Variants in POT1 observed in about 807,000 individuals in gnomAD.
POT1 encodes protection of telomeres 1.
Under a neutral mutation model 78.5 loss-of-function variants are expected in POT1, and 47 were observed. That is an observed-to-expected ratio of 0.60 (90% CI 0.47 to 0.76). The LOEUF is 0.76. Among genes scored for constraint, POT1 ranks in the 30% least tolerant of loss-of-function variants. The probability of loss-of-function intolerance (pLI) is 0.00; values close to 1 mark genes in which losing one functional copy is unlikely to be tolerated. For synonymous variants in POT1, 259 were observed against 260.7 expected (o/e 0.99, Z 0.06); for missense variants, 646 against 749.9 (o/e 0.86, Z 1.62).
chr7:124,841,928 T>C (rs555899341), intron 13 of POT1, among the ~76,000 whole-genome samples: 1 of 151,978 alleles, frequency 6.6e-6, no homozygotes, highest in Non-Finnish European at 1.5e-5. Context: ...CAAGCTCAAA[T>C]GGGTAAAAAC....
chr7:124,860,783 T>C (rs187197195), intron 8 of POT1, among the ~76,000 whole-genome samples: 5 of 151,656 alleles, frequency 3.3e-5, no homozygotes, highest in African/African-American at 4.8e-5. Context: ...ACAGGCCCCA[T>C]TGTGTGATGT....
At chr7:124,901,951 T>C (rs1796631420) in intron 3 of POT1, among the ~76,000 whole-genome samples, 1 of 151,932 alleles carries the variant, frequency 6.6e-6, no homozygotes, top group Non-Finnish European at 1.5e-5. Flanking sequence ...ATGAATGAAA[T>C]AAACTGAGAA....
At chr7:124,882,847 G>A (rs1253430118) in intron 6 of POT1, among the ~76,000 whole-genome samples, 3 of 151,972 alleles carry the variant, frequency 2.0e-5, no homozygotes, top group Admixed American at 6.6e-5. Context: ...GAAGTCAGAT[G>A]GAAGCCTGAA....
In POT1 at chr7:124,867,250, A is replaced by T. The variant is rs191206528; in HGVS notation, c.256-3610T>A. On this transcript the variant is annotated intron_variant, in intron 7 of 18. Transcript: ENST00000357628. Reference sequence around the variant, plus strand: ...TAAAACTGAAATAGCCTTCTAAAGAATATCTTTGCCTTCATGCTTGTTCTT... The same window carrying T: ...TAAAACTGAAATAGCCTTCTAAAGATTATCTTTGCCTTCATGCTTGTTCTT... Among the ~76,000 whole-genome samples, 1,048 of 152,070 alleles carry T rather than the reference A, an allele frequency of 6.9e-3. 11 individuals are homozygous for T. The highest frequency in any genetic ancestry group is 0.024 in the African/African-American group (1,014 of 41,468).
intron 9 of POT1, among the ~76,000 whole-genome samples, chr7:124,854,821 CTTTT>C (rs1272537266): frequency 6.6e-6 from 1 of 151,622 alleles, no homozygotes; most frequent in Non-Finnish European, 1.5e-5. Flanking sequence ...TTATCTCATT[CTTTT>C]TGACTGGATT....
At chr7:124,868,982 T>C (rs1795799759) in intron 7 of POT1, among the ~76,000 whole-genome samples, 1 of 151,998 alleles carries the variant, frequency 6.6e-6, no homozygotes, top group Non-Finnish European at 1.5e-5. Flanking sequence ...TAAAAACTGC[T>C]GGATACAACT....
intron 6 of POT1, among the ~76,000 whole-genome samples, chr7:124,887,194 T>TAG: frequency 6.6e-6 from 1 of 152,182 alleles, no homozygotes; most frequent in Admixed American, 6.6e-5. Context: ...GGTGGGGAAA[T>TAG]GAAGACTCTG....
chr7:124,894,691 C>T (rs77464597), intron 5 of POT1, among the ~76,000 whole-genome samples: 53 of 151,512 alleles, frequency 3.5e-4, no homozygotes, highest in South Asian at 6.2e-4. Context: ...CCCAATAAGC[C>T]CTATCTTAGT....
rs529634284 is a variant in POT1 at position 124,852,089 on chromosome 7, C to A, written c.870-138G>T. On this transcript the variant is annotated intron_variant, in intron 10 of 18. Transcript: ENST00000357628. ...GTATATGCATTCTTCAGTAAAGGAT[C>A]TATTGCTTTCATCAGATTTTCCGGG... is the stretch of plus-strand genomic sequence containing the variant. The A allele has an allele frequency of 8.5e-5, 49 of 579,572 alleles. No homozygotes were observed. The East Asian group carries it at 1.5e-3, about 17-fold the overall frequency. The allele number at this position is 579,572 out of a possible 1,614,324, so 35.9% of individuals were successfully genotyped here. A position where few individuals can be genotyped will look rare whatever the true frequency, so the allele number is the denominator to read the frequency against.
At chr7:124,833,906 C>T (rs1034108597) in intron 15 of POT1, among the ~76,000 whole-genome samples, 2 of 152,126 alleles carry the variant, frequency 1.3e-5, no homozygotes, top group East Asian at 3.8e-4. Context: ...ATAAAAATTA[C>T]TCTTCAACAG....
chr7:124,880,830 G>A (rs975743562), intron 6 of POT1, among the ~76,000 whole-genome samples: 2 of 151,938 alleles, frequency 1.3e-5, no homozygotes. Flanking sequence ...AGAGGAACGT[G>A]ACTGAGTCCA....
At chr7:124,881,670 C>T (rs893450889) in intron 6 of POT1, among the ~76,000 whole-genome samples, 2 of 151,884 alleles carry the variant, frequency 1.3e-5, no homozygotes, top group African/African-American at 2.4e-5. Flanking sequence ...AATACACACG[C>T]AAAAATATCC....
chr7:124,878,582 C>T (rs1796045269), intron 6 of POT1, among the ~76,000 whole-genome samples: 1 of 151,944 alleles, frequency 6.6e-6, no homozygotes, highest in African/African-American at 2.4e-5. Context: ...ATCACATTGT[C>T]CCCCACAATA....
intron 14 of POT1, among the ~76,000 whole-genome samples, chr7:124,835,894 G>C (rs1794890278): frequency 6.6e-6 from 1 of 151,880 alleles, no homozygotes; most frequent in African/African-American, 2.4e-5. Flanking sequence ...ATTTTTCCTG[G>C]GAAAATTATC....
At chr7:124,921,783 G>A (rs547182271) in intron 2 of POT1, among the ~76,000 whole-genome samples, 12 of 152,042 alleles carry the variant, frequency 7.9e-5, no homozygotes, top group East Asian at 3.9e-4. Flanking sequence ...TCAGAGATCC[G>A]TGTTACAGTA....
chr7:124,836,851 A>G (rs1410040436), intron 14 of POT1, among the ~76,000 whole-genome samples: 1 of 152,214 alleles, frequency 6.6e-6, no homozygotes, highest in Non-Finnish European at 1.5e-5. Context: ...CTTAATGTAA[A>G]GTCCATGAAA....
chr7:124,838,588 G>A (rs906358365), intron 14 of POT1, among the ~76,000 whole-genome samples: 2 of 151,918 alleles, frequency 1.3e-5, no homozygotes, highest in Non-Finnish European at 2.9e-5. Flanking sequence ...TGTCTCCACC[G>A]TGACTTATAG....
chr7:124,877,975 A>G (rs1394532468), intron 6 of POT1, among the ~76,000 whole-genome samples: 2 of 152,034 alleles, frequency 1.3e-5, no homozygotes, highest in Admixed American at 6.5e-5. Flanking sequence ...GAATCTAAAA[A>G]AGTCAAACTT....
At chr7:124,824,190 A>G in intron 18 of POT1, 116 bp from the exon 19 acceptor site, 1 of 607,572 alleles carries the variant, frequency 1.6e-6, no homozygotes, top group Non-Finnish European at 2.8e-6. Context: ...TTTGGCTTGA[A>G]AAGTAAGTAA....
Sources: allele counts gnomAD v4.1 joint callset (sites outside exome capture counted in the v4.1 genomes callset), GRCh38; gene constraint gnomAD v4.1.1; transcripts MANE v1.5; gene names NCBI Gene and HGNC (gene_info 2026-07-23, HGNC 2026-07-21).